Variants in FMO5 observed in about 807,000 individuals in gnomAD.
FMO5 encodes the protein flavin containing dimethylaniline monoxygenase 5.
A neutral mutation model predicts 43.6 loss-of-function variants in FMO5; 51 were observed. The observed-to-expected ratio is 1.17, with a 90% confidence interval of 0.93 to 1.48. The LOEUF (loss-of-function observed/expected upper bound fraction) is 1.48. Ranked by LOEUF, FMO5 falls within the 40% of genes most tolerant of loss-of-function variation. The pLI is 0.00. For synonymous variants in FMO5, 187 were observed against 216.5 expected, an observed-to-expected ratio of 0.86 and a Z score of 1.20; for missense variants, 644 against 643.0, an observed-to-expected ratio of 1.00 and a Z score of -0.02.
At chr1:147,204,750 C>G in intron 6 of FMO5, 1 of 1,529,852 alleles carries the variant, frequency 6.5e-7, no homozygotes, top group Non-Finnish European at 9.1e-7. Context: ...CAAACAACTT[C>G]TCCAAGTGGT....
At chr1:147,189,253 A>C (rs1285425712) in intron 8 of FMO5, among the ~76,000 whole-genome samples, 16 of 149,112 alleles carry the variant, frequency 1.1e-4, no homozygotes, top group Non-Finnish European at 3.0e-5. Flanking sequence ...AGCCTGAGTG[A>C]CAGAGTGAGA....
At chr1:147,196,495 A>AAAC (rs1175454013) in intron 7 of FMO5, among the ~76,000 whole-genome samples, 6 of 152,050 alleles carry the variant, frequency 3.9e-5, no homozygotes, top group African/African-American at 1.5e-4. Context: ...AGAAAGAAAA[A>AAAC]AACAACAAAA....
chr1:147,209,020 A>C lies in FMO5; in HGVS notation c.662T>G (p.Ile221Ser), dbSNP rs782318371. The C allele has an allele frequency of 1.9e-6, 3 of 1,614,044 alleles. No individual in the cohort carries two copies. The African/African-American group carries it at 4.0e-5, about 22-fold the overall frequency. ...TCCGTAGTCCCCTACACGATTCAGG[A>C]TCCAAGCCCCTCTCCTGGTGCTGAG... ...VFLSTRRGAW[I>S]LNRVGDYGYP... The change falls in exon 6 of 9, where the codon ATC (isoleucine) becomes AGC (serine). Residue 221 changes from isoleucine (I) to serine (S), a missense_variant. Coordinates refer to ENST00000254090, the MANE Select transcript of FMO5 (RefSeq NM_001461.4).
At chr1:147,192,172 C>T (rs1355413476) in intron 7 of FMO5, among the ~76,000 whole-genome samples, 16 of 152,008 alleles carry the variant, frequency 1.1e-4, no homozygotes, top group Non-Finnish European at 2.2e-4. Flanking sequence ...TTCTTTGTAT[C>T]CTCTTTTATT....
intron 6 of FMO5, chr1:147,203,226 A>T: frequency 1.0e-6 from 1 of 990,836 alleles, no homozygotes; most frequent in Non-Finnish European, 1.5e-6. Flanking sequence ...GATTCTTAGA[A>T]TACTACTACA....
chr1:147,202,205 A>G (rs1553921159), intron 6 of FMO5, among the ~76,000 whole-genome samples: 1 of 151,704 alleles, frequency 6.6e-6, no homozygotes, highest in African/African-American at 2.4e-5. Flanking sequence ...GGATACGGAT[A>G]CTGGAAACAT....
At chr1:147,188,628 AC>A (rs1559632022) in intron 8 of FMO5, among the ~76,000 whole-genome samples, 1 of 151,820 alleles carries the variant, frequency 6.6e-6, no homozygotes, top group Non-Finnish European at 1.5e-5. Context: ...CTCATATAAA[AC>A]AATGTATACA....
intron 7 of FMO5, among the ~76,000 whole-genome samples, chr1:147,190,682 T>G (rs1656553653): frequency 7.1e-6 from 1 of 141,014 alleles, no homozygotes. Context: ...AAAAATAAAT[T>G]TTTTGTTTTT....
downstream of FMO5, chr1:147,186,251 G>A (rs1280408488): frequency 2.2e-6 from 2 of 901,670 alleles, no homozygotes; most frequent in Non-Finnish European, 2.7e-6. Context: ...ATGACTGTGA[G>A]CCTAGAAAGT....
Position 147,188,931 on chromosome 1 carries a change from A to T in FMO5, c.1256+1246T>A, listed in dbSNP as rs587646157. ...AGGAAGAAATGTTTAAAAGCACCAAACTCAGTAGTGAGAAGAAGGAAAATG... is the reference window on the plus strand; with the variant it reads ...AGGAAGAAATGTTTAAAAGCACCAATCTCAGTAGTGAGAAGAAGGAAAATG... On this transcript the variant is annotated intron_variant, in intron 8 of 8. Coordinates refer to ENST00000254090, the MANE Select transcript of FMO5 (RefSeq NM_001461.4). Among the ~76,000 whole-genome samples, 40 of 152,186 alleles carry T rather than the reference A, an allele frequency of 2.6e-4. 1 individual carries two copies. The South Asian group carries it at 7.9e-3, about 30-fold the overall frequency.
intron 6 of FMO5, among the ~76,000 whole-genome samples, chr1:147,202,055 T>G (rs1014252134): frequency 5.9e-5 from 9 of 152,300 alleles, no homozygotes; most frequent in African/African-American, 2.2e-4. Flanking sequence ...GTTTTATAAA[T>G]GAGGGAATTG....
intron 2 of FMO5, chr1:147,223,863 C>A: frequency 2.9e-6 from 1 of 342,332 alleles, no homozygotes; most frequent in Non-Finnish European, 5.6e-6. Flanking sequence ...AAGCACAGAC[C>A]AGAGACAAAA....
chr1:147,193,648 C>T lies in FMO5; in HGVS notation c.1184-3399G>A, dbSNP rs1657348673. Among the ~76,000 whole-genome samples the T allele has an allele frequency of 2.0e-5, 3 of 152,238 alleles. No individual in the cohort carries two copies. In the South Asian group the frequency reaches 6.2e-4, roughly 32 times the overall value. ...TGCTTTCTCTTGTGGGCATTTAGTG[C>T]TATAAATTTCCCTCTACACACTGCT... On this transcript the variant is annotated intron_variant, in intron 7 of 8. Transcript: ENST00000254090.
chr1:147,205,723 C>T (rs1009870482), intron 6 of FMO5, among the ~76,000 whole-genome samples: 3 of 152,164 alleles, frequency 2.0e-5, no homozygotes, highest in Non-Finnish European at 4.4e-5. Context: ...ATGTACAAAG[C>T]TGAAACTTGA....
At chr1:147,226,135 T>A (rs782244715), upstream of FMO5, among the ~76,000 whole-genome samples, 9 of 151,956 alleles carry the variant, frequency 5.9e-5, no homozygotes, top group Non-Finnish European at 1.2e-4. Flanking sequence ...TTTTTGCTTT[T>A]TCTCTCCTCC....
Position 147,225,307 on chromosome 1 carries a change from A to C in FMO5, c.-58T>G. 1 of 584,966 alleles carries C rather than the reference A, an allele frequency of 1.7e-6. No individual in the cohort carries two copies. 36.2% of individuals were successfully genotyped at this position (584,966 alleles called of 1,614,324 possible). A position where few individuals can be genotyped will look rare whatever the true frequency, so the allele number is the denominator to read the frequency against. Reference sequence around the variant, plus strand: ...CTCACCGCCTTTCCTGAAGCGCTCAACAGATCCTTCAGCTGCGATCTGGAG... The same window carrying C: ...CTCACCGCCTTTCCTGAAGCGCTCACCAGATCCTTCAGCTGCGATCTGGAG... On this transcript the variant is annotated 5_prime_UTR_variant, in exon 1 of 9. Coordinates refer to ENST00000254090, the MANE Select transcript of FMO5 (RefSeq NM_001461.4).
At chr1:147,227,060 C>T (rs1235181573), upstream of FMO5, among the ~76,000 whole-genome samples, 2 of 152,136 alleles carry the variant, frequency 1.3e-5, no homozygotes, top group Non-Finnish European at 2.9e-5. Context: ...AACTCCTGGG[C>T]TCAAGTGATC....
chr1:147,222,240 C>T (rs1247820444), intron 2 of FMO5, among the ~76,000 whole-genome samples: 6 of 152,056 alleles, frequency 3.9e-5, no homozygotes, highest in South Asian at 2.1e-4. Flanking sequence ...CGTAGTAGTG[C>T]GTGTATAATT....
chr1:147,223,589 C>T, intron 2 of FMO5: 1 of 155,976 alleles, frequency 6.4e-6, no homozygotes. Flanking sequence ...AAGAAGGCGG[C>T]CCCCGCCCCT....
Sources: allele counts gnomAD v4.1 joint callset (sites outside exome capture counted in the v4.1 genomes callset), GRCh38; gene constraint gnomAD v4.1.1; transcripts MANE v1.5; gene names NCBI Gene and HGNC (gene_info 2026-07-23, HGNC 2026-07-21).